Variants in PIEZO2 observed in about 807,000 individuals in gnomAD.
PIEZO2 encodes the protein piezo type mechanosensitive ion channel component 2.
Under a neutral mutation model 337.3 loss-of-function variants are expected in PIEZO2, and 172 were observed. The observed-to-expected ratio is 0.51, with a 90% CI of 0.45 to 0.58. The LOEUF (loss-of-function observed/expected upper bound fraction) is 0.58. Ranked by LOEUF, PIEZO2 falls within the 20% of genes least tolerant of loss-of-function variation. PIEZO2 has a pLI of 0.00. For synonymous variants in PIEZO2, 1,251 were observed against 1,228.5 expected, an observed-to-expected ratio of 1.02 and a Z score of -0.38; for missense variants, 3,028 against 3,391.3, an observed-to-expected ratio of 0.89 and a Z score of 2.66.
chr18:10,860,085 G>A (rs935879104), intron 5 of PIEZO2, among the ~76,000 whole-genome samples: 7 of 152,174 alleles, frequency 4.6e-5, no homozygotes, highest in African/African-American at 1.7e-4. Context: ...TCAGTTCTGA[G>A]ACCCCATTCA....
chr18:10,710,575 C>A (rs1200323906), intron 39 of PIEZO2, among the ~76,000 whole-genome samples: 1 of 152,252 alleles, frequency 6.6e-6, no homozygotes, highest in African/African-American at 2.4e-5. Flanking sequence ...CGTGACTATT[C>A]TCGTAAGTCA....
Position 11,001,894 on chromosome 18 carries a change from G to GCAAGGAAGGAA in PIEZO2, c.161-22235_161-22234insTTCCTTCCTTG. Among the ~76,000 whole-genome samples the GCAAGGAAGGAA allele has an allele frequency of 1.7e-5, 2 of 119,918 alleles. No homozygotes were observed. The highest frequency in any genetic ancestry group is 6.6e-5 in the African/African-American group (2 of 30,508). 78.7% of individuals were successfully genotyped at this position (119,918 alleles called of 152,430 possible). A position where few individuals can be genotyped will look rare whatever the true frequency, so the allele number is the denominator to read the frequency against. On this transcript the variant is annotated intron_variant, in intron 2 of 55. Transcript: ENST00000674853. The surrounding 1 kb of genome is among the most constrained non-coding windows in gnomAD (Gnocchi z 5.3). ...TTCAAAAAAGAAAAAGGAGAAAAAGGGAAGGAAGGAAGAAGGAAGGAAGGA... is the reference window on the plus strand; with the variant it reads ...TTCAAAAAAGAAAAAGGAGAAAAAGGCAAGGAAGGAAGAAGGAAGGAAGAAGGAAGGAAGGA...
At chr18:10,718,977 TAAAATAAATAAA>T (rs1284137541) in intron 36 of PIEZO2, among the ~76,000 whole-genome samples, 3 of 143,954 alleles carry the variant, frequency 2.1e-5, no homozygotes, top group African/African-American at 7.8e-5. Context: ...AGACCTTGTC[TAAAATAAATAAA>T]TAAATAAATA....
rs528078517 is a variant in PIEZO2, at chr18:10,861,204, C to T, written c.493-3993G>A. Among the ~76,000 whole-genome samples the T allele has an allele frequency of 1.3e-3, 193 of 152,320 alleles. No individual in the cohort carries two copies. The highest frequency in any genetic ancestry group is 4.5e-3 in the African/African-American group (187 of 41,576). On this transcript the variant is annotated intron_variant, in intron 5 of 55. Coordinates refer to ENST00000674853, the MANE Select transcript of PIEZO2 (RefSeq NM_001378183.1). The surrounding 1 kb of genome is among the most constrained non-coding windows in gnomAD (Gnocchi z 4.3). ...GCTGTAAGCTGTCCCTGCAGCGGAA[C>T]AGAACTTCAATCTGGCCTTGAGGCT...
At chr18:10,974,495 G>T (rs769739456) in intron 3 of PIEZO2, among the ~76,000 whole-genome samples, 15 of 152,164 alleles carry the variant, frequency 9.9e-5, no homozygotes, top group Non-Finnish European at 1.8e-4. Flanking sequence ...GAAAGTCATG[G>T]ACTAAGTATC....
chr18:10,980,013 TC>T lies in PIEZO2; in HGVS notation c.161-354del, dbSNP rs2034604139. ...ATAACTCCTGTCTTAGAAAAATAAT[TC>T]TAGGAAGTACAAAAGGAAGAAAAGT... On this transcript the variant is annotated intron_variant, in intron 2 of 55. Coordinates refer to ENST00000674853, the MANE Select transcript of PIEZO2 (RefSeq NM_001378183.1). The surrounding 1 kb of genome is among the most constrained non-coding windows in gnomAD (Gnocchi z 4.8). Among the ~76,000 whole-genome samples, 1 of 152,096 alleles carries T rather than the reference TC, an allele frequency of 6.6e-6. No homozygotes were observed. The highest frequency in any genetic ancestry group is 1.5e-5 in the Non-Finnish European group (1 of 68,004).
intron 2 of PIEZO2, among the ~76,000 whole-genome samples, chr18:11,017,130 A>G (rs1015115301): frequency 1.3e-5 from 2 of 152,248 alleles, no homozygotes; most frequent in Non-Finnish European, 2.9e-5. Flanking sequence ...TTCAAAGAAC[A>G]TAACTTGGAC....
chr18:10,957,820 C>A (rs2033607165), intron 3 of PIEZO2, among the ~76,000 whole-genome samples: 1 of 152,102 alleles, frequency 6.6e-6, no homozygotes, highest in Non-Finnish European at 1.5e-5. Context: ...AACTCAGTAG[C>A]AATATACAAA....
At chr18:10,810,309 C>G (rs1230214656) in intron 7 of PIEZO2, among the ~76,000 whole-genome samples, 1 of 152,146 alleles carries the variant, frequency 6.6e-6, no homozygotes, top group Non-Finnish European at 1.5e-5. Context: ...ACATCAGACC[C>G]TTGGGGCCCA....
intron 4 of PIEZO2, among the ~76,000 whole-genome samples, chr18:10,871,823 A>G (rs1239333084): frequency 6.6e-6 from 1 of 152,246 alleles, no homozygotes; most frequent in African/African-American, 2.4e-5. Flanking sequence ...GAAAATAGAG[A>G]AAATGTTAAA....
chr18:11,043,247 A>T (rs754194495), intron 2 of PIEZO2, among the ~76,000 whole-genome samples: 1,899 of 28,500 alleles, frequency 0.067, 44 homozygotes, highest in African/African-American at 0.21. Flanking sequence ...TTAAACGCAC[A>T]CACACACACA....
rs1043612789 is a variant in PIEZO2, at chr18:10,988,145, G to A, written c.161-8485C>T. On this transcript the variant is annotated intron_variant, in intron 2 of 55. Coordinates refer to ENST00000674853, the MANE Select transcript of PIEZO2 (RefSeq NM_001378183.1). This position sits in a 1 kb window ranked among gnomAD's most constrained non-coding sequence, Gnocchi z 4.8. ...TAAGATTAGGGTCTCTATAAGTGTT[G>A]AGAAAATGTATTCATTCCCGTTCAG... Among the ~76,000 whole-genome samples the A allele has an allele frequency of 4.6e-5, 7 of 152,158 alleles. No individual in the cohort carries two copies. The South Asian group carries it at 6.2e-4, about 13-fold the overall frequency.
At chr18:10,884,619 G>A (rs2144877290) in intron 4 of PIEZO2, among the ~76,000 whole-genome samples, 1 of 152,268 alleles carries the variant, frequency 6.6e-6, no homozygotes, top group Non-Finnish European at 1.5e-5. Flanking sequence ...GGGGTATAAG[G>A]ACACCATTAA....
At chr18:10,910,493 C>G (rs1000604113) in intron 4 of PIEZO2, among the ~76,000 whole-genome samples, 4 of 151,872 alleles carry the variant, frequency 2.6e-5, no homozygotes, top group Admixed American at 1.3e-4. Flanking sequence ...TGAGGCAAGA[C>G]AATCACTTGA....
At chr18:10,985,856 A>G (rs1265069076) in intron 2 of PIEZO2, among the ~76,000 whole-genome samples, 1 of 151,982 alleles carries the variant, frequency 6.6e-6, no homozygotes, top group Admixed American at 6.6e-5. Context: ...TAATTAACAA[A>G]ATGTCAATAA....
In PIEZO2 at chr18:11,116,479, C is replaced by T. The variant is rs530657989; in HGVS notation, c.64+32046G>A. Among the ~76,000 whole-genome samples, 192 of 152,078 alleles carry T rather than the reference C, an allele frequency of 1.3e-3. 1 individual carries two copies. In the Middle Eastern group the frequency reaches 0.014, roughly 11 times the overall value. ...CTGTAAACCCAGCACTTTGGGAGGC[C>T]GAGCTGGGCGGATCACGATGTCAGG... On this transcript the variant is annotated intron_variant, in intron 1 of 55. Coordinates refer to ENST00000674853, the MANE Select transcript of PIEZO2 (RefSeq NM_001378183.1). The surrounding 1 kb of genome is among the most constrained non-coding windows in gnomAD (Gnocchi z 5.0).
intron 35 of PIEZO2, among the ~76,000 whole-genome samples, chr18:10,734,602 C>G (rs1376860416): frequency 6.6e-6 from 1 of 152,206 alleles, no homozygotes; most frequent in Non-Finnish European, 1.5e-5. Context: ...TTTTCCGTAA[C>G]GAAGCGACTA....
intron 5 of PIEZO2, among the ~76,000 whole-genome samples, chr18:10,868,386 C>T (rs1172055330): frequency 6.6e-6 from 1 of 152,120 alleles, no homozygotes; most frequent in East Asian, 1.9e-4. Context: ...TACTTTTATT[C>T]CTCTCAGATT....
rs2033870500 is a variant in PIEZO2 at position 10,673,576 on chromosome 18, C to A, written c.8162-703G>T. Among the ~76,000 whole-genome samples the A allele has an allele frequency of 6.6e-6, 1 of 152,080 alleles. No individual in the cohort carries two copies. The highest frequency in any genetic ancestry group is 2.1e-4 in the South Asian group (1 of 4,826). On this transcript the variant is annotated intron_variant, in intron 54 of 55. Transcript: ENST00000674853. The surrounding 1 kb of genome is among the most constrained non-coding windows in gnomAD (Gnocchi z 4.8). ...ACACAGCTCAGCAAATCTCTGAGAA[C>A]CATAATATCGGGTCAGTGATTACTT...
Sources: gnomAD v4.1 joint callset for allele counts (sites outside exome capture counted in the v4.1 genomes callset) on GRCh38, gnomAD v4.1.1 for gene constraint, Gnocchi (gnomAD v3.1) non-coding constraint, MANE v1.5 for transcripts, NCBI Gene and HGNC (gene_info 2026-07-23, HGNC 2026-07-21) for gene names.